Variants in MYT1L observed in about 807,000 individuals in gnomAD.
MYT1L encodes myelin transcription factor 1-like protein.
A neutral mutation model predicts 126.7 loss-of-function variants in MYT1L; 12 were observed. The ratio of observed to expected loss-of-function variants is 0.09; its 90% confidence interval spans 0.06 to 0.15. MYT1L has a LOEUF of 0.15. MYT1L is among the 10% of genes least tolerant of loss of function. The pLI, the probability that MYT1L is intolerant of heterozygous loss-of-function variation, is 1.00. For synonymous variants in MYT1L, 541 were observed against 604.2 expected, an observed-to-expected ratio of 0.90 and a Z score of 1.53; for missense variants, 979 against 1,585.2, an observed-to-expected ratio of 0.62 and a Z score of 6.49.
At chr2:2,004,793 T>A (rs1444692466) in intron 4 of MYT1L, among the ~76,000 whole-genome samples, 2 of 85,788 alleles carry the variant, frequency 2.3e-5, no homozygotes, top group Non-Finnish European at 4.4e-5. Context: ...CATTCTTTCC[T>A]GCATGTGTTC....
intron 4 of MYT1L, among the ~76,000 whole-genome samples, chr2:2,002,211 T>C (rs1353376384): frequency 6.6e-6 from 1 of 152,122 alleles, no homozygotes; most frequent in Non-Finnish European, 1.5e-5. Flanking sequence ...GTAACTTAGC[T>C]GGGGTATATT....
chr2:1,988,950 TG>T (rs2061262751), intron 5 of MYT1L, among the ~76,000 whole-genome samples: 1 of 152,220 alleles, frequency 6.6e-6, no homozygotes, highest in African/African-American at 2.4e-5. Flanking sequence ...TACAGATAAC[TG>T]CATAGCCCTT....
chr2:1,989,252 T>G (rs1560625), intron 5 of MYT1L, among the ~76,000 whole-genome samples: 68,050 of 151,980 alleles, frequency 0.45, 15,842 homozygotes, highest in East Asian at 0.6. Flanking sequence ...TTAACAGGAT[T>G]TGGACTCCTA....
At chr2:2,006,882 CT>C (rs1224532633) in intron 4 of MYT1L, among the ~76,000 whole-genome samples, 3 of 149,322 alleles carry the variant, frequency 2.0e-5, no homozygotes, top group Non-Finnish European at 4.5e-5. Context: ...AGGCTGAGCT[CT>C]TTAGGAAAAA....
intron 3 of MYT1L, among the ~76,000 whole-genome samples, chr2:2,104,697 A>T (rs1011190090): frequency 1.3e-5 from 2 of 152,224 alleles, no homozygotes; most frequent in Non-Finnish European, 2.9e-5. Flanking sequence ...TGTAACAACA[A>T]AGCCTCTGAA....
intron 5 of MYT1L, among the ~76,000 whole-genome samples, chr2:1,986,128 T>A (rs1273912625): frequency 1.3e-5 from 2 of 152,190 alleles, no homozygotes; most frequent in African/African-American, 4.8e-5. Flanking sequence ...GTTAAGTGAG[T>A]GAATGAATAA....
intron 18 of MYT1L, among the ~76,000 whole-genome samples, chr2:1,857,294 AT>A (rs892039394): frequency 1.3e-5 from 2 of 152,154 alleles, no homozygotes; most frequent in African/African-American, 4.8e-5. Flanking sequence ...CTACTTATTT[AT>A]TTTTTTTAAA....
intron 3 of MYT1L, among the ~76,000 whole-genome samples, chr2:2,156,838 C>T (rs1295154864): frequency 6.6e-6 from 1 of 152,116 alleles, no homozygotes; most frequent in East Asian, 1.9e-4. Context: ...GTTGGAGAGC[C>T]CTGCTGAGAC....
intron 19 of MYT1L, among the ~76,000 whole-genome samples, chr2:1,850,754 G>T (rs2043164661): frequency 6.6e-6 from 1 of 152,084 alleles, no homozygotes; most frequent in Non-Finnish European, 1.5e-5. Flanking sequence ...CATCAGCAAT[G>T]ACAGCAATGA....
At chr2:2,277,327 T>C (rs2095377444) in intron 2 of MYT1L, among the ~76,000 whole-genome samples, 2 of 152,228 alleles carry the variant, frequency 1.3e-5, no homozygotes, top group South Asian at 4.1e-4. Context: ...TCACCCTTCA[T>C]ACCCGATGGT....
intron 1 of MYT1L, among the ~76,000 whole-genome samples, chr2:2,313,299 C>T (rs553536194): frequency 7.9e-5 from 12 of 152,100 alleles, no homozygotes; most frequent in East Asian, 3.9e-4. Context: ...GTGCAATCAG[C>T]GGTTCACTGG....
chr2:2,055,440 T>C (rs947196501), intron 3 of MYT1L, among the ~76,000 whole-genome samples: 1 of 152,222 alleles, frequency 6.6e-6, no homozygotes, highest in African/African-American at 2.4e-5. Context: ...TAAAGCAACA[T>C]CCAAATAGTG....
Position 2,302,744 on chromosome 2 carries a change from TG to T in MYT1L, c.-520-18242del, listed in dbSNP as rs2095803026. ...GGCTCTTTTGTCTCATTTAAAACTT[TG>T]CTGAAACCCAAATTATTAATTAGAT... is the stretch of plus-strand genomic sequence containing the variant. On this transcript the variant is annotated intron_variant, in intron 1 of 24. Transcript: ENST00000647738. 2.6e-5 allele frequency among the ~76,000 whole-genome samples: 4 copies of T among 152,336 alleles called. No homozygotes were observed. In the South Asian group the frequency reaches 8.3e-4, roughly 32 times the overall value.
Position 2,209,024 on chromosome 2 carries a change from A to ACACC in MYT1L, c.-420-36037_-420-36036insGGTG, listed in dbSNP as rs1553562673. On this transcript the variant is annotated intron_variant, in intron 2 of 24. Coordinates refer to ENST00000647738, the MANE Select transcript of MYT1L (RefSeq NM_001303052.2). Reference sequence around the variant, plus strand: ...TACACACACACACACACACACACACACCCCAAATAGATTCAAAGCCACTGA... The same window carrying ACACC: ...TACACACACACACACACACACACACACACCCCCCAAATAGATTCAAAGCCACTGA... Among the ~76,000 whole-genome samples the ACACC allele has an allele frequency of 1.8e-3, 272 of 150,416 alleles. 1 individual carries two copies. Among genetic ancestry groups the ACACC allele is most frequent in the African/African-American group, 6.5e-3 (264 of 40,836 alleles).
At chr2:2,265,110 A>G (rs1245326489) in intron 2 of MYT1L, among the ~76,000 whole-genome samples, 1 of 150,810 alleles carries the variant, frequency 6.6e-6, no homozygotes, top group Non-Finnish European at 1.5e-5. Context: ...TCACTGCAAC[A>G]TTTGCCTCCT....
At chr2:2,169,477 C>T (rs900833472) in intron 3 of MYT1L, among the ~76,000 whole-genome samples, 1 of 152,048 alleles carries the variant, frequency 6.6e-6, no homozygotes, top group African/African-American at 2.4e-5. Flanking sequence ...TTTTAAAGTC[C>T]GAGGCAAACA....
chr2:2,115,112 C>T (rs2080025118), intron 3 of MYT1L, among the ~76,000 whole-genome samples: 2 of 152,230 alleles, frequency 1.3e-5, no homozygotes, highest in African/African-American at 4.8e-5. Context: ...CCTCACCACC[C>T]GGCTGTTAAC....
At chr2:2,290,422 C>G (rs1431648862) in intron 1 of MYT1L, among the ~76,000 whole-genome samples, 2 of 152,068 alleles carry the variant, frequency 1.3e-5, no homozygotes, top group Non-Finnish European at 2.9e-5. Flanking sequence ...TTATCACATG[C>G]CATATAATAG....
At chr2:2,299,129 G>C (rs1444854836) in intron 1 of MYT1L, among the ~76,000 whole-genome samples, 2 of 152,210 alleles carry the variant, frequency 1.3e-5, no homozygotes, top group African/African-American at 4.8e-5. Flanking sequence ...TGGGATTACA[G>C]GCGTGAGCCA....
Sources: allele counts gnomAD v4.1 joint callset (sites outside exome capture counted in the v4.1 genomes callset), GRCh38; gene constraint gnomAD v4.1.1; transcripts MANE v1.5; gene names NCBI Gene and HGNC (gene_info 2026-07-23, HGNC 2026-07-21).